ADGRV1: variants seen among roughly 807,000 people sequenced by gnomAD.
ADGRV1 encodes the protein G-protein coupled receptor 98.
A neutral mutation model predicts 596.2 loss-of-function variants in ADGRV1; 359 were observed. That is an observed-to-expected ratio of 0.60 (90% CI 0.55 to 0.66). The LOEUF (loss-of-function observed/expected upper bound fraction) is 0.66. ADGRV1 is among the 30% of genes least tolerant of loss of function. ADGRV1 has a pLI of 0.00. For synonymous variants in ADGRV1, 2,681 were observed against 2,679.2 expected (o/e 1.00, Z -0.02); for missense variants, 7,274 against 7,575.6 (o/e 0.96, Z 1.48).
chr5:90,765,975 T>C (rs1292885350), intron 59 of ADGRV1, among the ~76,000 whole-genome samples: 1 of 151,994 alleles, frequency 6.6e-6, no homozygotes, highest in African/African-American at 2.4e-5. Flanking sequence ...AGTGGCGCGA[T>C]CTCTGCTCAC....
intron 83 of ADGRV1, among the ~76,000 whole-genome samples, chr5:90,941,456 G>A (rs1776162773): frequency 6.6e-6 from 1 of 152,132 alleles, no homozygotes; most frequent in Non-Finnish European, 1.5e-5. Context: ...AGGTCTTCTG[G>A]TATCTTTCAA....
intron 1 of ADGRV1, among the ~76,000 whole-genome samples, chr5:90,565,657 G>A (rs1561296655): frequency 6.6e-6 from 1 of 152,000 alleles, no homozygotes; most frequent in Non-Finnish European, 1.5e-5. Flanking sequence ...TTGTATACAA[G>A]TTTTTTTTGT....
chr5:90,974,837 G>A (rs1455653172), intron 84 of ADGRV1, among the ~76,000 whole-genome samples: 11 of 152,042 alleles, frequency 7.2e-5, no homozygotes, highest in East Asian at 1.9e-4. Flanking sequence ...AACCAAAGCC[G>A]AAATTGACAA....
intron 86 of ADGRV1, among the ~76,000 whole-genome samples, chr5:91,085,906 C>T (rs1234947494): frequency 1.3e-5 from 2 of 152,294 alleles, no homozygotes; most frequent in Non-Finnish European, 2.9e-5. Context: ...TTCTCATCAC[C>T]TTGTGTTCAC....
Position 90,625,137 on chromosome 5 carries a change from G to T in ADGRV1, c.566G>T (p.Gly189Val). Residue 189 changes from glycine (G) to valine (V), a missense_variant, in exon 6 of 90, where the codon GGT becomes GTT. Gly to Val is a moderately radical substitution (Grantham distance 109). Coordinates refer to ENST00000405460, the MANE Select transcript of ADGRV1 (RefSeq NM_032119.4). ...TTTTGTGTTTCTTTGCAGGTAGAGG[G>T]TGGCCCAAATCCCCCTGATGAAGAT... is the stretch of plus-strand genomic sequence containing the variant. ...GMVMVTFEVEGGPNPPDEDLS... is the reference protein window; with the variant it reads ...GMVMVTFEVEVGPNPPDEDLS... The T allele has an allele frequency of 6.2e-7, 1 of 1,606,280 alleles. No homozygotes were observed. Among genetic ancestry groups the T allele is most frequent in the Non-Finnish European group, 8.5e-7 (1 of 1,173,986 alleles).
chr5:90,991,354 C>T (rs915120958), intron 85 of ADGRV1, among the ~76,000 whole-genome samples: 2 of 152,244 alleles, frequency 1.3e-5, no homozygotes, highest in Non-Finnish European at 2.9e-5. Context: ...TAAGTGAATT[C>T]TCTTATGCCT....
At chr5:90,948,322 A>T (rs1274258672) in intron 83 of ADGRV1, among the ~76,000 whole-genome samples, 3 of 152,102 alleles carry the variant, frequency 2.0e-5, no homozygotes, top group African/African-American at 7.2e-5. Context: ...AAGCAGTGCG[A>T]GTAGGATGAG....
At chr5:90,863,325 C>A (rs1478043047) in intron 82 of ADGRV1, among the ~76,000 whole-genome samples, 1 of 152,178 alleles carries the variant, frequency 6.6e-6, no homozygotes, top group Non-Finnish European at 1.5e-5. Flanking sequence ...CTTCATACAA[C>A]TTAGAAATGT....
intron 54 of ADGRV1, 151 bp from the exon 55 acceptor site, chr5:90,754,832 A>G (rs1468556474): frequency 5.4e-6 from 3 of 553,308 alleles, no homozygotes; most frequent in Non-Finnish European, 9.5e-6. Context: ...CAAGCCCAGA[A>G]TGATCCTTGG....
intron 85 of ADGRV1, among the ~76,000 whole-genome samples, chr5:91,002,275 G>A (rs969365936): frequency 2.0e-5 from 3 of 152,060 alleles, no homozygotes; most frequent in Non-Finnish European, 4.4e-5. Flanking sequence ...AATCAGAGAC[G>A]TCAAAGTATT....
At chr5:90,880,166 T>C (rs1266977287) in intron 83 of ADGRV1, among the ~76,000 whole-genome samples, 1 of 152,144 alleles carries the variant, frequency 6.6e-6, no homozygotes, top group Non-Finnish European at 1.5e-5. Flanking sequence ...CATTTTATAC[T>C]AAATAAACTT....
intron 86 of ADGRV1, among the ~76,000 whole-genome samples, chr5:91,093,742 G>A (rs919518337): frequency 6.6e-6 from 1 of 152,030 alleles, no homozygotes. Context: ...TGATATGGGA[G>A]GCAGTTAAAG....
chr5:90,591,483 T>A (rs2151995634), intron 1 of ADGRV1, among the ~76,000 whole-genome samples: 1 of 152,296 alleles, frequency 6.6e-6, no homozygotes, highest in East Asian at 1.9e-4. Context: ...ATAAAATAGT[T>A]ACTATAATAA....
intron 48 of ADGRV1, among the ~76,000 whole-genome samples, chr5:90,726,255 C>A (rs2149800556): frequency 6.6e-6 from 1 of 152,296 alleles, no homozygotes; most frequent in East Asian, 1.9e-4. Context: ...AAAAGCCAGG[C>A]CTCTCACATA....
At chr5:90,659,759 G>A (rs1485192674) in intron 21 of ADGRV1, among the ~76,000 whole-genome samples, 7 of 152,148 alleles carry the variant, frequency 4.6e-5, no homozygotes, top group African/African-American at 1.7e-4. Context: ...CAGGCCGGGC[G>A]CGGTGGCTCA....
rs1765104908 is a variant in ADGRV1 at position 90,628,618 on chromosome 5, A to G, written c.1295A>G (p.Asn432Ser). Residue 432 changes from asparagine to serine, a missense_variant, in exon 8 of 90, where the codon AAT becomes AGT. Coordinates refer to ENST00000405460, the MANE Select transcript of ADGRV1 (RefSeq NM_032119.4). ...GGAACCCATGGGAATGTCTCTGCGA[A>G]TTGGGTGTTGACACGGAACAGCACT... ...NGGTHGNVSA[N>S]WVLTRNSTDP... 1.9e-5 allele frequency: 30 copies of G among 1,613,754 alleles called. No homozygotes were observed. The highest frequency in any genetic ancestry group is 2.4e-5 in the Non-Finnish European group (28 of 1,179,764).
intron 83 of ADGRV1, among the ~76,000 whole-genome samples, chr5:90,945,973 C>A (rs1287044496): frequency 7.7e-6 from 1 of 129,874 alleles, no homozygotes; most frequent in Non-Finnish European, 1.8e-5. Context: ...CAGAGTGAGA[C>A]CCTTTCTCAA....
rs201007778 is a variant in ADGRV1, at chr5:90,643,885, C to T, written c.2636C>T (p.Thr879Met). The change falls in exon 14 of 90, where the codon ACG (threonine) becomes ATG (methionine). Residue 879 changes from threonine to methionine, a missense_variant. Coordinates refer to ENST00000405460, the MANE Select transcript of ADGRV1 (RefSeq NM_032119.4). ...KLGSATIVNI[T>M]ILKNDDPHGI... ...GGAAGTGCCACCATTGTCAATATAACGATTCTGAAAAATGATGATCCTCAT... is the reference window on the plus strand; with the variant it reads ...GGAAGTGCCACCATTGTCAATATAATGATTCTGAAAAATGATGATCCTCAT... 307 of 1,611,276 alleles carry T rather than the reference C, an allele frequency of 1.9e-4. 1 individual carries two copies. Among genetic ancestry groups the T allele is most frequent in the Middle Eastern group, 4.9e-4 (3 of 6,078 alleles).
At chr5:90,673,801 T>A (rs900635806) in intron 22 of ADGRV1, among the ~76,000 whole-genome samples, 27 of 152,322 alleles carry the variant, frequency 1.8e-4, no homozygotes, top group Admixed American at 1.7e-3. Flanking sequence ...GACAGGAGGA[T>A]AAGACATTCA....
Sources: allele counts gnomAD v4.1 joint callset (sites outside exome capture counted in the v4.1 genomes callset), GRCh38; gene constraint gnomAD v4.1.1; transcripts MANE v1.5; gene names NCBI Gene and HGNC (gene_info 2026-07-23, HGNC 2026-07-21).